The following NDFIP2 variants were observed in gnomAD, a reference collection of about 807,000 sequenced individuals.
The protein encoded by NDFIP2 is Nedd4 family interacting protein 2.
A neutral mutation model predicts 36.0 loss-of-function variants in NDFIP2; 19 were observed. The ratio of observed to expected loss-of-function variants is 0.53; its 90% CI spans 0.37 to 0.77. NDFIP2 has a LOEUF of 0.77. NDFIP2 is among the 30% of genes least tolerant of loss of function. The pLI is 0.00. For missense variants in NDFIP2, 446 were observed against 435.8 expected, an observed-to-expected ratio of 1.02 and a Z score of -0.21; for synonymous variants, 181 against 167.7, an observed-to-expected ratio of 1.08 and a Z score of -0.61.
At chr13:79,509,156 T>G (rs1482932731) in intron 1 of NDFIP2, among the ~76,000 whole-genome samples, 1 of 152,182 alleles carries the variant, frequency 6.6e-6, no homozygotes, top group Non-Finnish European at 1.5e-5. Flanking sequence ...CCTCAGGAGG[T>G]CCTGACAACA....
intron 1 of NDFIP2, among the ~76,000 whole-genome samples, chr13:79,506,804 T>C (rs1290025054): frequency 6.6e-6 from 1 of 152,084 alleles, no homozygotes; most frequent in East Asian, 1.9e-4. Flanking sequence ...GATTGTGCTA[T>C]TTTAAAAAAC....
intron 1 of NDFIP2, among the ~76,000 whole-genome samples, chr13:79,508,287 C>A (rs1873946547): frequency 6.6e-6 from 1 of 152,142 alleles, no homozygotes; most frequent in African/African-American, 2.4e-5. Context: ...GTCCTGCACA[C>A]TTTTACCTTT....
At chr13:79,492,448 G>T (rs1381088568) in intron 1 of NDFIP2, among the ~76,000 whole-genome samples, 2 of 152,130 alleles carry the variant, frequency 1.3e-5, no homozygotes, top group African/African-American at 4.8e-5. Flanking sequence ...GTGTCACCCA[G>T]GCTGGAGTGC....
chr13:79,517,128 G>A (rs1874380664), intron 1 of NDFIP2, among the ~76,000 whole-genome samples: 1 of 151,956 alleles, frequency 6.6e-6, no homozygotes, highest in African/African-American at 2.4e-5. Context: ...AAACAATTTC[G>A]GTTCATTCAC....
chr13:79,488,772 CAGAT>C (rs1197526776), intron 1 of NDFIP2, among the ~76,000 whole-genome samples: 1 of 151,950 alleles, frequency 6.6e-6, no homozygotes, highest in Non-Finnish European at 1.5e-5. Flanking sequence ...TGGAGAAGTG[CAGAT>C]AGATAAGTAA....
intron 1 of NDFIP2, among the ~76,000 whole-genome samples, chr13:79,482,573 A>G (rs532636926): frequency 2.6e-5 from 4 of 152,294 alleles, no homozygotes; most frequent in South Asian, 2.1e-4. Flanking sequence ...AAATTTTACA[A>G]ATTTAGGTAT....
Position 79,553,522 on chromosome 13 carries a change from C to G in NDFIP2, c.*1009C>G, listed in dbSNP as rs1875985627. The G allele has an allele frequency of 6.6e-6, 1 of 151,504 alleles. No individual in the cohort carries two copies. Among genetic ancestry groups the G allele is most frequent in the Admixed American group, 6.6e-5 (1 of 15,200 alleles). The allele number at this position is 151,504 out of a possible 1,614,324, so 9.4% of individuals were successfully genotyped here. A position where few individuals can be genotyped will look rare whatever the true frequency, so the allele number is the denominator to read the frequency against. ...TTTAAAAGGCCAATAAAATATCTTT[C>G]AGTATCATTGTAATAATTTTTTAGA... On this transcript the variant is annotated 3_prime_UTR_variant, in exon 8 of 8. Transcript: ENST00000218652.
At chr13:79,522,655 G>A (rs1398319144) in intron 2 of NDFIP2, among the ~76,000 whole-genome samples, 1 of 152,076 alleles carries the variant, frequency 6.6e-6, no homozygotes, top group African/African-American at 2.4e-5. Flanking sequence ...CAAGTTTGGT[G>A]GTTTATACTG....
intron 1 of NDFIP2, among the ~76,000 whole-genome samples, chr13:79,519,764 A>G (rs17071551): frequency 0.041 from 6,209 of 152,182 alleles, 401 homozygotes; most frequent in African/African-American, 0.14. Context: ...ATACACATCA[A>G]CTTATTTTGC....
chr13:79,524,721 C>T (rs1311338624), intron 2 of NDFIP2, among the ~76,000 whole-genome samples: 1 of 152,212 alleles, frequency 6.6e-6, no homozygotes, highest in Non-Finnish European at 1.5e-5. Context: ...AACAAGATAG[C>T]TGTCACCCAT....
chr13:79,515,898 C>A, intron 1 of NDFIP2, among the ~76,000 whole-genome samples: 1 of 123,860 alleles, frequency 8.1e-6, no homozygotes, highest in Non-Finnish European at 1.6e-5. Flanking sequence ...AAAGGTGACA[C>A]AGAATGATAT....
chr13:79,543,914 A>G (rs1875555837), intron 5 of NDFIP2, among the ~76,000 whole-genome samples: 1 of 152,082 alleles, frequency 6.6e-6, no homozygotes, highest in Non-Finnish European at 1.5e-5. Context: ...TAAAAATTTA[A>G]GTTTGAATCT....
intron 1 of NDFIP2, among the ~76,000 whole-genome samples, chr13:79,498,363 A>G (rs937607874): frequency 1.1e-4 from 17 of 151,980 alleles, no homozygotes; most frequent in South Asian, 6.2e-4. Context: ...AATGATCATT[A>G]TAACTTGAAA....
intron 5 of NDFIP2, among the ~76,000 whole-genome samples, chr13:79,547,970 T>C (rs969709983): frequency 6.6e-6 from 1 of 152,042 alleles, no homozygotes; most frequent in Non-Finnish European, 1.5e-5. Context: ...CTGTAGTGTG[T>C]TTGGGATGGT....
rs139262490 is a variant in NDFIP2 at position 79,543,037 on chromosome 13, C to T, written c.716-521C>T. Among the ~76,000 whole-genome samples, 431 of 152,114 alleles carry T rather than the reference C, an allele frequency of 2.8e-3. 3 individuals carry two copies. The highest frequency in any genetic ancestry group is 9.7e-3 in the African/African-American group (403 of 41,522). On this transcript the variant is annotated intron_variant, in intron 4 of 7. Transcript: ENST00000218652. Reference sequence around the variant, plus strand: ...GATTACAGGTGCCCACCACCACACCCGGCTAATTTTTATATTTTTAGTAGA... The same window carrying T: ...GATTACAGGTGCCCACCACCACACCTGGCTAATTTTTATATTTTTAGTAGA...
chr13:79,542,212 G>A (rs1370421522), intron 4 of NDFIP2, among the ~76,000 whole-genome samples: 4 of 152,160 alleles, frequency 2.6e-5, no homozygotes, highest in Admixed American at 6.5e-5. Context: ...CTTTTCTTCT[G>A]AGGTTTAGCC....
intron 1 of NDFIP2, among the ~76,000 whole-genome samples, chr13:79,517,946 A>G (rs117858995): frequency 2.2e-4 from 34 of 152,322 alleles, no homozygotes; most frequent in Admixed American, 9.8e-4. Flanking sequence ...TGCAGCTTTA[A>G]TAAGAGATGT....
intron 1 of NDFIP2, among the ~76,000 whole-genome samples, chr13:79,490,454 A>T (rs1339405145): frequency 1.3e-5 from 2 of 152,004 alleles, no homozygotes; most frequent in Admixed American, 6.6e-5. Context: ...GGTGGTGGTG[A>T]TGTAGACCAG....
chr13:79,509,980 C>T (rs145449671), intron 1 of NDFIP2, among the ~76,000 whole-genome samples: 57 of 152,278 alleles, frequency 3.7e-4, no homozygotes, highest in African/African-American at 1.3e-3. Flanking sequence ...TCTCCCAGCC[C>T]ACTGACTCAA....
Sources: allele counts gnomAD v4.1 joint callset (sites outside exome capture counted in the v4.1 genomes callset), GRCh38; gene constraint gnomAD v4.1.1; transcripts MANE v1.5; gene names NCBI Gene and HGNC (gene_info 2026-07-23, HGNC 2026-07-21).